The following ADAMTSL3 variants were observed in gnomAD, a reference collection of about 807,000 sequenced individuals.
The protein encoded by ADAMTSL3 is ADAMTS-like protein 3.
A neutral mutation model predicts 201.7 loss-of-function variants in ADAMTSL3; 128 were observed. The ratio of observed to expected loss-of-function variants is 0.63; its 90% CI spans 0.55 to 0.73. The LOEUF (loss-of-function observed/expected upper bound fraction) is 0.73, where lower values mean the gene tolerates loss of function less well. Ranked by LOEUF, ADAMTSL3 falls within the 30% of genes least tolerant of loss-of-function variation. ADAMTSL3 has a pLI of 0.00. For missense variants in ADAMTSL3, 1,990 were observed against 2,119.6 expected, an observed-to-expected ratio of 0.94 and a Z score of 1.20; for synonymous variants, 738 against 748.4, an observed-to-expected ratio of 0.99 and a Z score of 0.23.
chr15:84,005,625 GT>G (rs1437156872), intron 23 of ADAMTSL3, among the ~76,000 whole-genome samples: 7 of 152,188 alleles, frequency 4.6e-5, no homozygotes, highest in African/African-American at 1.4e-4. Flanking sequence ...GTCTGGTGGC[GT>G]TAAAGAACTG....
Position 83,734,712 on chromosome 15 carries a change from C to T in ADAMTSL3, c.189+30204C>T, listed in dbSNP as rs180965406. 2.8e-3 allele frequency among the ~76,000 whole-genome samples: 428 copies of T among 152,242 alleles called. 6 individuals carry two copies. The highest frequency in any genetic ancestry group is 3.4e-3 in the Middle Eastern group (1 of 294). On this transcript the variant is annotated intron_variant, in intron 3 of 29. Transcript: ENST00000286744. ...CATTTCTCTCCAAACCATAAACCAT[C>T]GTGGAGCCTAAGGAGACTGAATTTC...
chr15:83,977,080 T>A (rs2067301593), intron 20 of ADAMTSL3, among the ~76,000 whole-genome samples: 1 of 152,142 alleles, frequency 6.6e-6, no homozygotes, highest in South Asian at 2.1e-4. Context: ...AAGCAGGCAT[T>A]ACCACCTGAG....
intron 10 of ADAMTSL3, among the ~76,000 whole-genome samples, chr15:83,889,154 GA>G (rs1483044646): frequency 3.3e-5 from 5 of 152,118 alleles, no homozygotes; most frequent in African/African-American, 1.2e-4. Flanking sequence ...ACTTTCCTCA[GA>G]AACTCTACAA....
At chr15:83,995,371 T>C (rs1181988478) in intron 23 of ADAMTSL3, among the ~76,000 whole-genome samples, 1 of 152,140 alleles carries the variant, frequency 6.6e-6, no homozygotes, top group Non-Finnish European at 1.5e-5. Context: ...AAACCAGTAA[T>C]AGAAGGGATA....
chr15:83,996,747 C>T (rs1450972702), intron 23 of ADAMTSL3, among the ~76,000 whole-genome samples: 6 of 132,924 alleles, frequency 4.5e-5, no homozygotes, highest in South Asian at 2.5e-4. Context: ...CACCACTGCA[C>T]TCCAGCCTGG....
At chr15:83,664,303 A>G (rs149932915) in intron 2 of ADAMTSL3, among the ~76,000 whole-genome samples, 2 of 150,794 alleles carry the variant, frequency 1.3e-5, no homozygotes, top group Non-Finnish European at 3.0e-5. Flanking sequence ...GGTTCCCTCC[A>G]AAGTGGAAGA....
At chr15:83,947,466 T>C (rs2066674944) in intron 19 of ADAMTSL3, among the ~76,000 whole-genome samples, 3 of 152,044 alleles carry the variant, frequency 2.0e-5, no homozygotes, top group Admixed American at 2.0e-4. Flanking sequence ...TTACACTGCT[T>C]TTGAAGTTAT....
intron 2 of ADAMTSL3, among the ~76,000 whole-genome samples, chr15:83,687,686 C>T (rs540191407): frequency 1.3e-5 from 2 of 152,212 alleles, no homozygotes; most frequent in East Asian, 3.9e-4. Context: ...AAATATCCTT[C>T]AATATTACTT....
In ADAMTSL3 at chr15:83,655,685, G is replaced by A. The variant is rs2061071891; in HGVS notation, c.-33-44G>A. 47 of 1,430,740 alleles carry A rather than the reference G, an allele frequency of 3.3e-5. No individual in the cohort carries two copies. The South Asian group carries it at 5.4e-4, about 16-fold the overall frequency. The allele number at this position is 1,430,740 out of a possible 1,614,324, so 88.6% of individuals were successfully genotyped here. The stretch of plus-strand genomic sequence containing the variant: ...CGCTTAAGTCACGGTTTACTGCCAT[G>A]GGGGCCAGAGCTGGTTGGTAATGAA... On this transcript the variant is annotated intron_variant, in intron 1 of 29. Coordinates refer to ENST00000286744, the MANE Select transcript of ADAMTSL3 (RefSeq NM_207517.3).
intron 19 of ADAMTSL3, among the ~76,000 whole-genome samples, chr15:83,961,074 A>G (rs1007869566): frequency 4.6e-5 from 7 of 152,212 alleles, no homozygotes; most frequent in African/African-American, 1.7e-4. Flanking sequence ...TGAGTTCAAA[A>G]AAGAGACTAT....
intron 26 of ADAMTSL3, among the ~76,000 whole-genome samples, chr15:84,023,527 C>T (rs182657624): frequency 6.6e-6 from 1 of 152,128 alleles, no homozygotes. Flanking sequence ...CTTCCAGTAC[C>T]CTTTGTAATT....
intron 2 of ADAMTSL3, among the ~76,000 whole-genome samples, chr15:83,699,328 C>T (rs1039299912): frequency 1.3e-5 from 2 of 152,100 alleles, no homozygotes. Flanking sequence ...CAGGGCTATC[C>T]ATCCATTACA....
intron 5 of ADAMTSL3, among the ~76,000 whole-genome samples, chr15:83,809,937 T>C (rs1312548830): frequency 2.0e-5 from 3 of 152,118 alleles, no homozygotes; most frequent in Non-Finnish European, 4.4e-5. Flanking sequence ...GTGGATCAAG[T>C]TTTTTCTTGG....
At chr15:83,682,270 G>A (rs766073073) in intron 2 of ADAMTSL3, among the ~76,000 whole-genome samples, 1 of 152,086 alleles carries the variant, frequency 6.6e-6, no homozygotes, top group Non-Finnish European at 1.5e-5. Flanking sequence ...AGACAGACCT[G>A]CCCAAGGTTC....
chr15:83,985,628 T>C (rs922525256), intron 21 of ADAMTSL3, among the ~76,000 whole-genome samples: 1 of 152,104 alleles, frequency 6.6e-6, no homozygotes, highest in Non-Finnish European at 1.5e-5. Context: ...ATTAAAGACA[T>C]TTCTTTTTTT....
chr15:83,779,843 T>C (rs1792511862), intron 4 of ADAMTSL3, among the ~76,000 whole-genome samples: 1 of 151,856 alleles, frequency 6.6e-6, no homozygotes, highest in Admixed American at 6.6e-5. Flanking sequence ...GGGTAAATAA[T>C]GAATTTAGGG....
chr15:83,661,856 A>T (rs1015814194), intron 2 of ADAMTSL3, among the ~76,000 whole-genome samples: 16 of 149,202 alleles, frequency 1.1e-4, no homozygotes, highest in Non-Finnish European at 2.2e-4. Flanking sequence ...AGAAATGCAA[A>T]TCAAAACCAC....
At chr15:83,822,479 G>A (rs1434172464) in intron 6 of ADAMTSL3, among the ~76,000 whole-genome samples, 1 of 143,606 alleles carries the variant, frequency 7.0e-6, no homozygotes, top group Admixed American at 6.8e-5. Flanking sequence ...CTTCTCAGAC[G>A]GGGCGGCCGG....
chr15:83,655,471 C>T (rs559251201), intron 1 of ADAMTSL3, among the ~76,000 whole-genome samples: 27 of 152,324 alleles, frequency 1.8e-4, no homozygotes, highest in African/African-American at 6.0e-4. Context: ...GCAGGGATAT[C>T]TCAGCTTCTG....
Sources: gnomAD v4.1 joint callset for allele counts (sites outside exome capture counted in the v4.1 genomes callset) on GRCh38, gnomAD v4.1.1 for gene constraint, MANE v1.5 for transcripts, NCBI Gene and HGNC (gene_info 2026-07-23, HGNC 2026-07-21) for gene names.